Variants in RABGAP1L observed in about 807,000 individuals in gnomAD.
RABGAP1L encodes rab GTPase-activating protein 1-like.
A neutral mutation model predicts 137.7 loss-of-function variants in RABGAP1L; 63 were observed. That is an observed-to-expected ratio of 0.46 (90% CI 0.37 to 0.56). The LOEUF (loss-of-function observed/expected upper bound fraction) is 0.56. RABGAP1L is among the 20% of genes least tolerant of loss of function. The pLI is 0.00. For synonymous variants in RABGAP1L, 431 were observed against 433.7 expected (o/e 0.99, Z 0.08); for missense variants, 1,095 against 1,244.0 (o/e 0.88, Z 1.80).
chr1:174,809,747 AGAACT>A (rs1317412336), intron 18 of RABGAP1L, among the ~76,000 whole-genome samples: 1 of 152,246 alleles, frequency 6.6e-6, no homozygotes, highest in Admixed American at 6.5e-5. Flanking sequence ...GCTAATCATC[AGAACT>A]GGTATTACAT....
intron 13 of RABGAP1L, among the ~76,000 whole-genome samples, chr1:174,409,049 A>G (rs1485530480): frequency 1.3e-5 from 2 of 152,122 alleles, no homozygotes; most frequent in Admixed American, 1.3e-4. Flanking sequence ...TTTCCTGTGC[A>G]GAAGCTCTTC....
chr1:174,190,974 G>A (rs953261035), intron 1 of RABGAP1L, among the ~76,000 whole-genome samples: 2 of 152,186 alleles, frequency 1.3e-5, no homozygotes, highest in Non-Finnish European at 2.9e-5. Flanking sequence ...GCTAGTTGGT[G>A]GAGCAGGCAG....
chr1:174,653,932 T>C (rs1675764952), intron 14 of RABGAP1L, among the ~76,000 whole-genome samples: 1 of 152,130 alleles, frequency 6.6e-6, no homozygotes, highest in Non-Finnish European at 1.5e-5. Context: ...CTGAGAAGCC[T>C]GTCACCAAGA....
rs373235430 is a variant in RABGAP1L, at chr1:174,737,361, A to G, written c.2170-14952A>G. On this transcript the variant is annotated intron_variant, in intron 17 of 25. Transcript: ENST00000681986. ...CTAGGACTCAGACACGATGCAGCCA[A>G]GTTATTTGGTAGGGAATAACAAGGG... is the stretch of plus-strand genomic sequence containing the variant. Among the ~76,000 whole-genome samples the G allele has an allele frequency of 3.3e-5, 5 of 152,304 alleles. No homozygotes were observed. In the East Asian group the frequency reaches 9.6e-4, roughly 29 times the overall value.
At chr1:174,833,396 G>A (rs12030501) in intron 19 of RABGAP1L, among the ~76,000 whole-genome samples, 1,178 of 43,024 alleles carry the variant, frequency 0.027, 27 homozygotes, top group South Asian at 0.059. Context: ...GTGTGTGTGT[G>A]TGTGTATGTG....
In RABGAP1L at chr1:174,470,993, G is replaced by T. The variant is rs757897595; in HGVS notation, c.1710+76848G>T. On this transcript the variant is annotated intron_variant, in intron 13 of 25. Transcript: ENST00000681986. ...ATATTAAGCTTTTTTGTATCCCCTG[G>T]GGTAACTAACTAGCATGGTGGCTTA... Among the ~76,000 whole-genome samples, 3 of 151,784 alleles carry T rather than the reference G, an allele frequency of 2.0e-5. No individual in the cohort carries two copies. The South Asian group carries it at 6.3e-4, about 32-fold the overall frequency.
At chr1:174,426,783 AT>A (rs1022857050) in intron 13 of RABGAP1L, among the ~76,000 whole-genome samples, 3 of 151,998 alleles carry the variant, frequency 2.0e-5, no homozygotes, top group Non-Finnish European at 2.9e-5. Flanking sequence ...CCAAAGTCAT[AT>A]TTTTCTCTGA....
At chr1:174,389,469 A>T (rs992290234) in intron 12 of RABGAP1L, among the ~76,000 whole-genome samples, 2 of 151,968 alleles carry the variant, frequency 1.3e-5, no homozygotes, top group Non-Finnish European at 2.9e-5. Context: ...GTTAGAAATA[A>T]CTCTTTCCCT....
intron 14 of RABGAP1L, among the ~76,000 whole-genome samples, chr1:174,637,941 G>A (rs887663672): frequency 6.6e-6 from 1 of 152,072 alleles, no homozygotes; most frequent in Non-Finnish European, 1.5e-5. Context: ...ATTTTTGTAC[G>A]GTTTTTATAT....
intron 1 of RABGAP1L, among the ~76,000 whole-genome samples, chr1:174,173,093 G>C (rs1665542531): frequency 6.6e-6 from 1 of 151,046 alleles, no homozygotes; most frequent in South Asian, 2.1e-4. Flanking sequence ...GTAAGATGCA[G>C]CTATGGTGTT....
At chr1:174,268,215 T>C (rs1482172363) in intron 7 of RABGAP1L, among the ~76,000 whole-genome samples, 4 of 151,940 alleles carry the variant, frequency 2.6e-5, no homozygotes, top group Non-Finnish European at 5.9e-5. Context: ...TTTTTTTTTT[T>C]TTGAGACGGA....
chr1:174,989,106 T>C (rs1671855699), intron 25 of RABGAP1L, among the ~76,000 whole-genome samples: 1 of 152,270 alleles, frequency 6.6e-6, no homozygotes, highest in Admixed American at 6.5e-5. Context: ...TACCCTGAGA[T>C]TTTTTGCTTA....
At chr1:174,328,614 A>G (rs1402849204) in intron 11 of RABGAP1L, among the ~76,000 whole-genome samples, 1 of 152,126 alleles carries the variant, frequency 6.6e-6, no homozygotes, top group Non-Finnish European at 1.5e-5. Flanking sequence ...TACTAAAAGT[A>G]TAAAAATTAG....
chr1:174,617,073 A>G (rs1023905875), intron 13 of RABGAP1L, among the ~76,000 whole-genome samples: 3 of 152,194 alleles, frequency 2.0e-5, no homozygotes, highest in Non-Finnish European at 4.4e-5. Context: ...AAAAAGGAAT[A>G]TACTGTGTCC....
intron 14 of RABGAP1L, among the ~76,000 whole-genome samples, chr1:174,668,776 T>A (rs535949364): frequency 1.3e-5 from 2 of 152,320 alleles, no homozygotes; most frequent in South Asian, 4.1e-4. Flanking sequence ...ACAGTTGTTA[T>A]CTTTTGTCTT....
At chr1:174,493,566 T>A (rs1286596901) in intron 13 of RABGAP1L, among the ~76,000 whole-genome samples, 1 of 151,852 alleles carries the variant, frequency 6.6e-6, no homozygotes, top group African/African-American at 2.4e-5. Context: ...ATGCGTGTAA[T>A]CCTAGCACTT....
chr1:174,537,554 A>G (rs1281320214), intron 13 of RABGAP1L, among the ~76,000 whole-genome samples: 1 of 152,192 alleles, frequency 6.6e-6, no homozygotes, highest in Admixed American at 6.5e-5. Flanking sequence ...AGAGGTGCTT[A>G]ATAAATGCTA....
In RABGAP1L at chr1:174,699,623, A is replaced by G. The variant is rs1679503622; in HGVS notation, c.1998A>G (p.Lys666=). ...YRNNFEDLHC[K]FYQLERLMQE... is the part of the protein sequence containing the mutation. The stretch of plus-strand genomic sequence containing the variant: ...ACAACTTCGAAGATCTTCATTGCAA[A>G]TTCTACCAGTTGGAGAGACTAATGC... Residue 666 remains lysine (K), a synonymous_variant, in exon 16 of 26, where the codon AAA becomes AAG. Coordinates refer to ENST00000681986, the MANE Select transcript of RABGAP1L (RefSeq NM_001366446.1). The G allele has an allele frequency of 6.2e-7, 1 of 1,608,486 alleles. No individual in the cohort carries two copies. Among genetic ancestry groups the G allele is most frequent in the Non-Finnish European group, 8.5e-7 (1 of 1,175,024 alleles).
chr1:174,530,269 A>G (rs11809482), intron 13 of RABGAP1L, among the ~76,000 whole-genome samples: 53,674 of 151,926 alleles, frequency 0.35, 12,134 homozygotes, highest in African/African-American at 0.64. Context: ...GCTCATGTCT[A>G]AGCCACATAG....
Sources: allele counts gnomAD v4.1 joint callset (sites outside exome capture counted in the v4.1 genomes callset), GRCh38; gene constraint gnomAD v4.1.1; transcripts MANE v1.5; gene names NCBI Gene and HGNC (gene_info 2026-07-23, HGNC 2026-07-21).